GRID1: variants seen among roughly 807,000 people sequenced by gnomAD.
The protein encoded by GRID1 is glutamate receptor ionotropic, delta-1.
Under a neutral mutation model 98.0 loss-of-function variants are expected in GRID1, and 28 were observed. The ratio of observed to expected loss-of-function variants is 0.29; its 90% CI spans 0.21 to 0.39. The LOEUF is 0.39. Among genes scored for constraint, GRID1 ranks in the 10% least tolerant of loss-of-function variants. The pLI is 1.00. For missense variants in GRID1, 1,111 were observed against 1,340.5 expected, an observed-to-expected ratio of 0.83 and a Z score of 2.67; for synonymous variants, 553 against 538.5, an observed-to-expected ratio of 1.03 and a Z score of -0.37.
At chr10:85,690,349 A>T (rs998183090) in intron 12 of GRID1, among the ~76,000 whole-genome samples, 1 of 152,166 alleles carries the variant, frequency 6.6e-6, no homozygotes, top group African/African-American at 2.4e-5. Flanking sequence ...GTTGAATACA[A>T]TGGTTCTAAG....
rs529966341 is a variant in GRID1, at chr10:85,693,709, T to G, written c.1997+29294A>C. ...AAAGGGGACACTTTTCAATAAATAG[T>G]GTGGGGAAAATTGGATTGCCATATG... On this transcript the variant is annotated intron_variant, in intron 12 of 15. Transcript: ENST00000327946. Among the ~76,000 whole-genome samples, 3 of 152,176 alleles carry G rather than the reference T, an allele frequency of 2.0e-5. No individual in the cohort carries two copies. The East Asian group carries it at 5.8e-4, about 29-fold the overall frequency.
At chr10:86,174,656 TAA>T (rs1845547539) in intron 3 of GRID1, among the ~76,000 whole-genome samples, 1 of 151,624 alleles carries the variant, frequency 6.6e-6, no homozygotes, top group South Asian at 2.1e-4. Flanking sequence ...CTAATTAAAC[TAA>T]AGAGCTTCTG....
At chr10:86,246,844 C>T (rs1165661992) in intron 2 of GRID1, among the ~76,000 whole-genome samples, 4 of 152,272 alleles carry the variant, frequency 2.6e-5, no homozygotes, top group Admixed American at 2.0e-4. Flanking sequence ...CATGCCCCTC[C>T]CCACTCAATT....
chr10:86,294,425 G>A (rs192807186), intron 2 of GRID1, among the ~76,000 whole-genome samples: 105 of 152,328 alleles, frequency 6.9e-4, no homozygotes, highest in African/African-American at 1.8e-3. Context: ...GGGACAGGGC[G>A]GAGGCAGGGA....
Position 86,248,563 on chromosome 10 carries a change from C to CTTT in GRID1, c.236-41918_236-41916dup, listed in dbSNP as rs200060771. Among the ~76,000 whole-genome samples the CTTT allele has an allele frequency of 4.0e-3, 491 of 121,726 alleles. 21 individuals carry two copies. The highest frequency in any genetic ancestry group is 0.012 in the East Asian group (40 of 3,350). 79.9% of individuals were successfully genotyped at this position (121,726 alleles called of 152,430 possible). A position where few individuals can be genotyped will look rare whatever the true frequency, so the allele number is the denominator to read the frequency against. ...TGTCTGCAAATCGGGCATGACAATT[C>CTTT]TTTTTTTTTTTTTTTTTTTTTTTTT... On this transcript the variant is annotated intron_variant, in intron 2 of 15. Coordinates refer to ENST00000327946, the MANE Select transcript of GRID1 (RefSeq NM_017551.3).
chr10:86,358,612 G>C (rs1363591739), intron 2 of GRID1, among the ~76,000 whole-genome samples: 1 of 151,872 alleles, frequency 6.6e-6, no homozygotes, highest in East Asian at 1.9e-4. Context: ...CAAAAAATTA[G>C]CCGGGCATGG....
chr10:86,239,240 G>A (rs899312585), intron 2 of GRID1, among the ~76,000 whole-genome samples: 17 of 152,164 alleles, frequency 1.1e-4, no homozygotes, highest in African/African-American at 3.9e-4. Context: ...GCTTGCATGG[G>A]GCCTGTAGCC....
chr10:85,966,962 A>C (rs1040776187), intron 4 of GRID1, among the ~76,000 whole-genome samples: 1 of 152,234 alleles, frequency 6.6e-6, no homozygotes, highest in Non-Finnish European at 1.5e-5. Flanking sequence ...CCATGCCTTA[A>C]GGGCAGGGAC....
intron 2 of GRID1, among the ~76,000 whole-genome samples, chr10:86,276,895 C>A (rs1847279285): frequency 6.6e-6 from 1 of 152,098 alleles, no homozygotes; most frequent in African/African-American, 2.4e-5. Context: ...CTCAAGAGTT[C>A]TAAATCCAGC....
At position 86,365,501 on chromosome 10, in the gene GRID1, TC is replaced by T. The variant is rs1848663787; in HGVS notation, c.79+812del. Among the ~76,000 whole-genome samples, 1 of 148,650 alleles carries T rather than the reference TC, an allele frequency of 6.7e-6. No homozygotes were observed. Among genetic ancestry groups the T allele is most frequent in the Non-Finnish European group, 1.5e-5 (1 of 67,302 alleles). On this transcript the variant is annotated intron_variant, in intron 1 of 15. Coordinates refer to ENST00000327946, the MANE Select transcript of GRID1 (RefSeq NM_017551.3). The surrounding 1 kb of genome is among the most constrained non-coding windows in gnomAD (Gnocchi z 4.8). ...TCCTCCTCTGCGCTTTCATCTTCTC[TC>T]CCGGTTCTCTCTCTCTATCCATCTC...
intron 4 of GRID1, among the ~76,000 whole-genome samples, chr10:85,947,802 T>C (rs899310702): frequency 3.2e-4 from 49 of 152,248 alleles, no homozygotes; most frequent in African/African-American, 1.1e-3. Context: ...GACGTCCCAA[T>C]ACACTCAATA....
chr10:86,246,295 G>A (rs999886324), intron 2 of GRID1, among the ~76,000 whole-genome samples: 14 of 152,232 alleles, frequency 9.2e-5, no homozygotes, highest in Admixed American at 7.2e-4. Flanking sequence ...ACAGGGCCTT[G>A]TGAAGCCACG....
intron 12 of GRID1, among the ~76,000 whole-genome samples, chr10:85,681,223 G>A (rs1028778718): frequency 2.0e-5 from 3 of 151,996 alleles, no homozygotes; most frequent in African/African-American, 4.8e-5. Flanking sequence ...CTCCCCCCAT[G>A]AGCCCTGTTC....
chr10:86,014,091 GGTAAGCTC>G (rs1256421955), intron 4 of GRID1, among the ~76,000 whole-genome samples: 1 of 152,128 alleles, frequency 6.6e-6, no homozygotes, highest in Non-Finnish European at 1.5e-5. Context: ...CCAGATAAAG[GGTAAGCTC>G]TCTACTTTTT....
rs537174985 is a variant in GRID1 at position 86,317,230 on chromosome 10, T to C, written c.235+46711A>G. ...CCTTTGTCCTGACCTCCTCATACTC[T>C]GATTCTAGATACTTGGCTTGCAGCT... On this transcript the variant is annotated intron_variant, in intron 2 of 15. Transcript: ENST00000327946. Among the ~76,000 whole-genome samples the C allele has an allele frequency of 1.8e-4, 27 of 152,190 alleles. 1 individual carries two copies. The Middle Eastern group carries it at 0.024, about 134-fold the overall frequency.
At chr10:86,294,993 G>A (rs1466236295) in intron 2 of GRID1, among the ~76,000 whole-genome samples, 1 of 152,166 alleles carries the variant, frequency 6.6e-6, no homozygotes, top group East Asian at 1.9e-4. Context: ...GACTGAGATT[G>A]GGCCACTGGA....
Position 86,363,931 on chromosome 10 carries a change from G to A in GRID1, c.235+10C>T, listed in dbSNP as rs963863166. 15 of 1,611,756 alleles carry A rather than the reference G, an allele frequency of 9.3e-6. No individual in the cohort carries two copies. The highest frequency in any genetic ancestry group is 1.3e-5 in the Non-Finnish European group (15 of 1,178,522). The stretch of plus-strand genomic sequence containing the variant: ...TGTCCCAGTGGGCCCTGGGCACAGC[G>A]GTCACTCACCTTCCTGCACAGCCTG... On this transcript the variant is annotated intron_variant, in intron 2 of 15. Coordinates refer to ENST00000327946, the MANE Select transcript of GRID1 (RefSeq NM_017551.3).
At chr10:85,708,016 T>C (rs1421139458) in intron 12 of GRID1, among the ~76,000 whole-genome samples, 1 of 150,994 alleles carries the variant, frequency 6.6e-6, no homozygotes, top group Admixed American at 6.6e-5. Flanking sequence ...TAATGTTAAA[T>C]GACGAGTTAA....
At chr10:85,907,772 C>A (rs1458023504) in intron 5 of GRID1, among the ~76,000 whole-genome samples, 1 of 151,816 alleles carries the variant, frequency 6.6e-6, no homozygotes, top group African/African-American at 2.4e-5. Context: ...AAATTCTAAT[C>A]AAAAATTTAA....
Sources: allele counts gnomAD v4.1 joint callset (sites outside exome capture counted in the v4.1 genomes callset), GRCh38; gene constraint gnomAD v4.1.1; non-coding constraint Gnocchi (gnomAD v3.1); transcripts MANE v1.5; gene names NCBI Gene and HGNC (gene_info 2026-07-23, HGNC 2026-07-21).